Variants in CCDC171 observed in about 807,000 individuals in gnomAD.
The protein encoded by CCDC171 is coiled-coil domain-containing protein 171.
Under a neutral mutation model 168.2 loss-of-function variants are expected in CCDC171, and 177 were observed. The ratio of observed to expected loss-of-function variants is 1.05; its 90% CI spans 0.93 to 1.19. The LOEUF is 1.19. CCDC171 is among the 50% of genes most tolerant of loss of function. CCDC171 has a pLI of 0.00. For missense variants in CCDC171, 1,991 were observed against 1,539.0 expected, an observed-to-expected ratio of 1.29 and a Z score of -4.91; for synonymous variants, 687 against 540.8, an observed-to-expected ratio of 1.27 and a Z score of -3.75.
Position 15,695,275 on chromosome 9 carries a change from A to T in CCDC171, c.1256A>T (p.Asn419Ile). The change falls in exon 11 of 26, where the codon AAT becomes ATT. Residue 419 changes from asparagine to isoleucine, a missense_variant. Coordinates refer to ENST00000380701, the MANE Select transcript of CCDC171 (RefSeq NM_173550.4). ...GCCTTCCTAGTAGAGACATGTGAAA[A>T]TAACGTGAAAGAATTGGAATCGATC... ...HQAFLVETCENNVKELESILD... is the reference protein window; with the variant it reads ...HQAFLVETCEINVKELESILD... 6.2e-7 allele frequency: 1 copy of T among 1,614,164 alleles called. No homozygotes were observed. The highest frequency in any genetic ancestry group is 8.5e-7 in the Non-Finnish European group (1 of 1,179,996).
At chr9:15,902,821 G>T (rs887186441) in intron 24 of CCDC171, among the ~76,000 whole-genome samples, 1 of 152,100 alleles carries the variant, frequency 6.6e-6, no homozygotes, top group Non-Finnish European at 1.5e-5. Flanking sequence ...GGAAAATTGG[G>T]TCACTCCCAC....
intron 6 of CCDC171, among the ~76,000 whole-genome samples, chr9:15,618,212 T>C (rs1218354367): frequency 6.6e-6 from 1 of 152,204 alleles, no homozygotes; most frequent in African/African-American, 2.4e-5. Flanking sequence ...CCTGCAGAGA[T>C]GCCCTGCCCA....
intron 21 of CCDC171, among the ~76,000 whole-genome samples, chr9:15,825,708 A>G (rs567137424): frequency 1.3e-5 from 2 of 152,024 alleles, no homozygotes; most frequent in Admixed American, 1.3e-4. Flanking sequence ...TAAAGAAGAA[A>G]ATTGGTTAAA....
chr9:15,776,106 C>A (rs1196194498), intron 18 of CCDC171: 7 of 151,954 alleles, frequency 4.6e-5, no homozygotes, highest in Non-Finnish European at 1.0e-4. Flanking sequence ...ATATTGATTG[C>A]CATATAAAGC....
chr9:15,946,196 T>C (rs1459318491), intron 25 of CCDC171, among the ~76,000 whole-genome samples: 5 of 151,948 alleles, frequency 3.3e-5, no homozygotes, highest in East Asian at 2.0e-4. Context: ...GTTGTAGATA[T>C]ATGGCATTAT....
chr9:15,568,525 C>T (rs181106090), intron 2 of CCDC171, among the ~76,000 whole-genome samples: 51 of 152,306 alleles, frequency 3.3e-4, no homozygotes, highest in African/African-American at 1.2e-3. Context: ...CCGCCTTGGC[C>T]TCCCAAAGTG....
At chr9:15,677,641 A>G (rs1362182690) in intron 9 of CCDC171, among the ~76,000 whole-genome samples, 1 of 151,588 alleles carries the variant, frequency 6.6e-6, no homozygotes, top group East Asian at 1.9e-4. Flanking sequence ...TTAAATGAAA[A>G]TACTTCGAAG....
At chr9:15,778,723 A>T (rs1202120165) in intron 19 of CCDC171, among the ~76,000 whole-genome samples, 1 of 151,284 alleles carries the variant, frequency 6.6e-6, no homozygotes, top group Non-Finnish European at 1.5e-5. Flanking sequence ...ACAGAATTGT[A>T]TGAGACCTAA....
At chr9:16,058,981 A>C (rs1200596827) in intron 1 of CCDC171, among the ~76,000 whole-genome samples, 6 of 152,198 alleles carry the variant, frequency 3.9e-5, no homozygotes, top group Non-Finnish European at 8.8e-5. Context: ...TTTTCCCACA[A>C]TGCATTCCTG....
intron 21 of CCDC171, among the ~76,000 whole-genome samples, chr9:15,832,602 C>A (rs1236027342): frequency 6.6e-6 from 1 of 152,108 alleles, no homozygotes; most frequent in Non-Finnish European, 1.5e-5. Context: ...AGATAAAAAT[C>A]ATATACCTAT....
At chr9:15,874,805 G>GT (rs1817635320) in intron 24 of CCDC171, 142 bp downstream of exon 24, 1 of 786,872 alleles carries the variant, frequency 1.3e-6, no homozygotes, top group Non-Finnish European at 1.8e-6. Flanking sequence ...CTTCTATCAT[G>GT]TAACAGTATA....
At chr9:15,874,061 G>C (rs1415761603) in intron 23 of CCDC171, among the ~76,000 whole-genome samples, 1 of 151,962 alleles carries the variant, frequency 6.6e-6, no homozygotes, top group Non-Finnish European at 1.5e-5. Flanking sequence ...TATTTGTTTT[G>C]ATTCTAGAGT....
At chr9:16,019,624 T>A (rs562455607) in intron 3 of CCDC171, among the ~76,000 whole-genome samples, 43 of 152,302 alleles carry the variant, frequency 2.8e-4, no homozygotes, top group African/African-American at 1.0e-3. Flanking sequence ...AATCTCACCT[T>A]TTTTGGAAAG....
chr9:15,830,968 A>T (rs911098084), intron 21 of CCDC171, among the ~76,000 whole-genome samples: 9 of 122,998 alleles, frequency 7.3e-5, no homozygotes, highest in South Asian at 5.1e-4. Flanking sequence ...CCATATCTTA[A>T]TTTTTTTTTT....
At position 15,961,239 on chromosome 9, in the gene CCDC171, A is replaced by G. The variant is rs116249257; in HGVS notation, c.3754-10370A>G. Among the ~76,000 whole-genome samples, 1,104 of 152,278 alleles carry G rather than the reference A, an allele frequency of 7.2e-3. 12 individuals carry two copies. Among genetic ancestry groups the G allele is most frequent in the African/African-American group, 0.025 (1,053 of 41,560 alleles). On this transcript the variant is annotated intron_variant, in intron 25 of 25. Coordinates refer to ENST00000380701, the MANE Select transcript of CCDC171 (RefSeq NM_173550.4). ...ATATTGCTACGAGGTCTAAGTTTAT[A>G]GCTTCCAGATTATTACTAAATTTTT...
At chr9:15,974,717 A>G (rs1831568677), downstream of CCDC171, among the ~76,000 whole-genome samples, 2 of 152,246 alleles carry the variant, frequency 1.3e-5, no homozygotes, top group Admixed American at 6.5e-5. Flanking sequence ...AATGACATAA[A>G]TAAATAACCT....
intron 25 of CCDC171, among the ~76,000 whole-genome samples, chr9:15,967,060 G>A (rs1249322407): frequency 6.6e-6 from 1 of 152,120 alleles, no homozygotes; most frequent in East Asian, 1.9e-4. Context: ...GCCAACTCTG[G>A]CTGTCTGTAT....
chr9:16,047,851 A>G (rs1833685656), intron 1 of CCDC171, among the ~76,000 whole-genome samples: 1 of 152,192 alleles, frequency 6.6e-6, no homozygotes, highest in African/African-American at 2.4e-5. Flanking sequence ...CTCGATCATC[A>G]TTGTTGCCTG....
At chr9:15,873,463 TA>T (rs1325577097) in intron 23 of CCDC171, among the ~76,000 whole-genome samples, 1 of 152,080 alleles carries the variant, frequency 6.6e-6, no homozygotes, top group African/African-American at 2.4e-5. Context: ...CGCTACCTGA[TA>T]AAAAACTTTT....
Sources: gnomAD v4.1 joint callset for allele counts (sites outside exome capture counted in the v4.1 genomes callset) on GRCh38, gnomAD v4.1.1 for gene constraint, MANE v1.5 for transcripts, NCBI Gene and HGNC (gene_info 2026-07-23, HGNC 2026-07-21) for gene names.